The following TMEM132D variants were observed in gnomAD, a reference collection of about 807,000 sequenced individuals.
TMEM132D encodes mature OL transmembrane protein.
A neutral mutation model predicts 62.3 loss-of-function variants in TMEM132D; 21 were observed. That is an observed-to-expected ratio of 0.34 (90% CI 0.24 to 0.49). The LOEUF (loss-of-function observed/expected upper bound fraction) is 0.49. Ranked by LOEUF, TMEM132D falls within the 20% of genes least tolerant of loss-of-function variation. The pLI is 0.99. For synonymous variants in TMEM132D, 621 were observed against 575.6 expected, an observed-to-expected ratio of 1.08 and a Z score of -1.13; for missense variants, 1,346 against 1,402.8, an observed-to-expected ratio of 0.96 and a Z score of 0.65.
Position 129,323,494 on chromosome 12 carries a change from A to G in TMEM132D, c.1299+14140T>C, listed in dbSNP as rs7487553. The stretch of plus-strand genomic sequence containing the variant: ...TGGTGAACCGAAGAAAATTAAATTG[A>G]TTCTGAAGAAAAGTGCTGATTCTTT... On this transcript the variant is annotated intron_variant, in intron 4 of 8. Coordinates refer to ENST00000422113, the MANE Select transcript of TMEM132D (RefSeq NM_133448.3). Among the ~76,000 whole-genome samples, 1,247 of 152,340 alleles carry G rather than the reference A, an allele frequency of 8.2e-3. 43 individuals carry two copies. Among genetic ancestry groups the G allele is most frequent in the Admixed American group, 0.054 (822 of 15,298 alleles).
chr12:129,280,219 A>C (rs757358066), intron 4 of TMEM132D, among the ~76,000 whole-genome samples: 4 of 152,238 alleles, frequency 2.6e-5, no homozygotes, highest in Admixed American at 1.3e-4. Flanking sequence ...CATGAGTGCC[A>C]TCTTGTTGAA....
chr12:129,834,578 G>A (rs980039891), intron 1 of TMEM132D, among the ~76,000 whole-genome samples: 57 of 152,236 alleles, frequency 3.7e-4, no homozygotes, highest in Middle Eastern at 3.4e-3. Flanking sequence ...GAATAAAGCC[G>A]CTTTCCTTCC....
At chr12:129,275,665 T>G (rs1880984095) in intron 4 of TMEM132D, among the ~76,000 whole-genome samples, 1 of 152,200 alleles carries the variant, frequency 6.6e-6, no homozygotes, top group Admixed American at 6.5e-5. Flanking sequence ...CATTCCATGT[T>G]TGTTCAGCAA....
At chr12:129,272,052 T>A (rs1880867478) in intron 4 of TMEM132D, among the ~76,000 whole-genome samples, 1 of 151,880 alleles carries the variant, frequency 6.6e-6, no homozygotes, top group Non-Finnish European at 1.5e-5. Flanking sequence ...TTCCTATTTC[T>A]CCACATAGGA....
intron 1 of TMEM132D, among the ~76,000 whole-genome samples, chr12:129,736,392 A>C (rs1869423965): frequency 1.3e-5 from 2 of 152,228 alleles, no homozygotes; most frequent in African/African-American, 4.8e-5. Flanking sequence ...GCTCTTACCA[A>C]GTATTTTTAT....
At chr12:129,264,929 G>A (rs573520324) in intron 4 of TMEM132D, among the ~76,000 whole-genome samples, 1 of 152,250 alleles carries the variant, frequency 6.6e-6, no homozygotes, top group South Asian at 2.1e-4. Context: ...GAGTGAGAAG[G>A]GGGTGAGGAA....
chr12:129,164,663 G>T (rs531071889), intron 5 of TMEM132D, among the ~76,000 whole-genome samples: 2 of 152,146 alleles, frequency 1.3e-5, no homozygotes, highest in African/African-American at 4.8e-5. Context: ...TTCACAAGGC[G>T]GCAGGAAGAA....
chr12:129,352,484 T>C (rs141108424), intron 3 of TMEM132D, among the ~76,000 whole-genome samples: 1,653 of 151,730 alleles, frequency 0.011, 34 homozygotes, highest in African/African-American at 0.038. Flanking sequence ...ACCTACTGAA[T>C]GGGAGAAAGT....
intron 5 of TMEM132D, among the ~76,000 whole-genome samples, chr12:129,167,772 AT>A (rs1347812347): frequency 6.6e-6 from 1 of 151,980 alleles, no homozygotes. Context: ...AGTTTGCCCA[AT>A]TGGGAGGCCC....
chr12:129,433,978 T>C (rs1435029670), intron 3 of TMEM132D, among the ~76,000 whole-genome samples: 1 of 152,194 alleles, frequency 6.6e-6, no homozygotes, highest in African/African-American at 2.4e-5. Context: ...GTTAAATTTG[T>C]GACTTGAGAT....
chr12:129,690,781 A>T (rs1881044788), intron 2 of TMEM132D, among the ~76,000 whole-genome samples: 1 of 152,182 alleles, frequency 6.6e-6, no homozygotes. Context: ...AGCAACTGAT[A>T]GATCAAACAG....
chr12:129,495,143 G>A (rs535576045), intron 3 of TMEM132D, among the ~76,000 whole-genome samples: 3 of 149,858 alleles, frequency 2.0e-5, no homozygotes, highest in Admixed American at 1.3e-4. Flanking sequence ...CTTTACAAAG[G>A]GGGCAGGAGT....
rs535616638 is a variant in TMEM132D, at chr12:129,192,891, C to A, written c.1443+16629G>T. Among the ~76,000 whole-genome samples, 8 of 152,296 alleles carry A rather than the reference C, an allele frequency of 5.3e-5. No homozygotes were observed. In the East Asian group the frequency reaches 1.5e-3, roughly 29 times the overall value. On this transcript the variant is annotated intron_variant, in intron 5 of 8. Coordinates refer to ENST00000422113, the MANE Select transcript of TMEM132D (RefSeq NM_133448.3). ...TGGGCTTCAAAAATTATATAACAGG[C>A]CAGGCGCGGTGGCTCACGCCTGTAA...
In TMEM132D at chr12:129,572,792, C is replaced by A. The variant is rs574179293; in HGVS notation, c.969-41587G>T. 1.1e-3 allele frequency among the ~76,000 whole-genome samples: 163 copies of A among 151,642 alleles called. 1 individual carries two copies. Among genetic ancestry groups the A allele is most frequent in the African/African-American group, 3.7e-3 (151 of 41,010 alleles). On this transcript the variant is annotated intron_variant, in intron 2 of 8. Transcript: ENST00000422113. Reference sequence around the variant, plus strand: ...ACTGGGGGTGCACTAACCCCAGTACCTCTGCTTGGAAATAATTACTCCTTA... The same window carrying A: ...ACTGGGGGTGCACTAACCCCAGTACATCTGCTTGGAAATAATTACTCCTTA...
chr12:129,465,367 T>C (rs898582453), intron 3 of TMEM132D, among the ~76,000 whole-genome samples: 1 of 152,134 alleles, frequency 6.6e-6, no homozygotes, highest in African/African-American at 2.4e-5. Context: ...ACTGGAAGCA[T>C]TCCCTTTGAA....
chr12:129,251,423 A>C (rs1046343361), intron 4 of TMEM132D, among the ~76,000 whole-genome samples: 9 of 151,272 alleles, frequency 5.9e-5, no homozygotes, highest in South Asian at 2.1e-4. Flanking sequence ...ACCCTTGGTC[A>C]TTGAAACTCT....
chr12:129,154,088 C>T (rs1162905525), intron 5 of TMEM132D, among the ~76,000 whole-genome samples: 1 of 152,196 alleles, frequency 6.6e-6, no homozygotes, highest in Non-Finnish European at 1.5e-5. Flanking sequence ...ATCATCTTTT[C>T]TTTGGTAGCT....
intron 4 of TMEM132D, among the ~76,000 whole-genome samples, chr12:129,317,470 C>T (rs1280691774): frequency 6.6e-6 from 1 of 152,146 alleles, no homozygotes; most frequent in Non-Finnish European, 1.5e-5. Flanking sequence ...AAGATAGGCC[C>T]CCAATCCCTT....
intron 2 of TMEM132D, among the ~76,000 whole-genome samples, chr12:129,539,395 C>A (rs1241975874): frequency 7.1e-6 from 1 of 139,928 alleles, no homozygotes; most frequent in Non-Finnish European, 1.5e-5. Flanking sequence ...CCACATTTGG[C>A]TAATTTTTTC....
Sources: gnomAD v4.1 joint callset for allele counts (sites outside exome capture counted in the v4.1 genomes callset) on GRCh38, gnomAD v4.1.1 for gene constraint, MANE v1.5 for transcripts, NCBI Gene and HGNC (gene_info 2026-07-23, HGNC 2026-07-21) for gene names.